The following REDIC1 variants were observed in gnomAD, a reference collection of about 807,000 sequenced individuals.
The protein encoded by REDIC1 is HEI10 Interacting Protein 1.
chr12:39,893,306 T>A, the REDIC1 span, among the ~76,000 whole-genome samples: 1 of 152,206 alleles, frequency 6.6e-6, no homozygotes, highest in African/African-American at 2.4e-5. Flanking sequence ...TATAGCTCTT[T>A]TCTTTTCTTT....
chr12:39,662,473 G>A, the REDIC1 span, among the ~76,000 whole-genome samples: 3 of 151,672 alleles, frequency 2.0e-5, no homozygotes, highest in African/African-American at 7.3e-5. Context: ...ACTGATGTTT[G>A]TTGACTTTCT....
At chr12:39,697,499 C>A in the REDIC1 span, among the ~76,000 whole-genome samples, 1 of 152,152 alleles carries the variant, frequency 6.6e-6, no homozygotes, top group East Asian at 1.9e-4. Flanking sequence ...CTACTCATAT[C>A]TGAAGTAGAA....
the REDIC1 span, among the ~76,000 whole-genome samples, chr12:39,844,401 G>A: frequency 6.6e-6 from 1 of 152,060 alleles, no homozygotes; most frequent in Non-Finnish European, 1.5e-5. Context: ...AAAATGTAAC[G>A]ATAAAGTTCT....
the REDIC1 span, among the ~76,000 whole-genome samples, chr12:39,883,597 T>G: frequency 7.9e-5 from 12 of 152,154 alleles, no homozygotes; most frequent in Admixed American, 3.9e-4. Context: ...TGGCATTTAC[T>G]TCCTGAAAAA....
the REDIC1 span, among the ~76,000 whole-genome samples, chr12:39,638,965 A>T: frequency 1.3e-5 from 2 of 151,998 alleles, no homozygotes; most frequent in Non-Finnish European, 2.9e-5. Context: ...TCTTAATTTT[A>T]CTGAGCTCTA....
At chr12:39,769,403 G>A in the REDIC1 span, among the ~76,000 whole-genome samples, 3 of 152,134 alleles carry the variant, frequency 2.0e-5, 1 homozygote, top group South Asian at 6.2e-4. Context: ...TGAATCTGAA[G>A]AACAGATCTT....
At chr12:39,737,100 T>C in the REDIC1 span, among the ~76,000 whole-genome samples, 1 of 152,220 alleles carries the variant, frequency 6.6e-6, no homozygotes, top group Non-Finnish European at 1.5e-5. Context: ...TACTTTTTGT[T>C]TTTTAATATA....
At chr12:39,846,806 A>G in the REDIC1 span, among the ~76,000 whole-genome samples, 1 of 152,282 alleles carries the variant, frequency 6.6e-6, no homozygotes, top group South Asian at 2.1e-4. Flanking sequence ...AAATAATAGC[A>G]TCTATCTCAG....
At chr12:39,748,847 A>T in the REDIC1 span, among the ~76,000 whole-genome samples, 2 of 152,244 alleles carry the variant, frequency 1.3e-5, no homozygotes, top group Non-Finnish European at 1.5e-5. Flanking sequence ...TGAAGGCAGA[A>T]ATAAAGATGT....
At chr12:39,755,533 A>C in the REDIC1 span, 1 of 152,096 alleles carries the variant, frequency 6.6e-6, no homozygotes, top group Non-Finnish European at 1.5e-5. Flanking sequence ...GTAGAATATA[A>C]ATTTCTACTT....
At chr12:39,657,150 C>T in the REDIC1 span, among the ~76,000 whole-genome samples, 1 of 152,164 alleles carries the variant, frequency 6.6e-6, no homozygotes, top group Non-Finnish European at 1.5e-5. Context: ...GCTACGTGTC[C>T]TTTGCAGATG....
chr12:39,830,342 C>G, the REDIC1 span: 1 of 1,469,944 alleles, frequency 6.8e-7, no homozygotes, highest in East Asian at 2.4e-5. Context: ...AAGCTTGGGG[C>G]CTTGGGACTT....
chr12:39,663,661 C>G, the REDIC1 span, among the ~76,000 whole-genome samples: 1 of 151,996 alleles, frequency 6.6e-6, no homozygotes, highest in African/African-American at 2.4e-5. Context: ...TTATTTCTCT[C>G]TTACTATATA....
At chr12:39,785,024 T>G in the REDIC1 span, among the ~76,000 whole-genome samples, 1 of 152,162 alleles carries the variant, frequency 6.6e-6, no homozygotes, top group African/African-American at 2.4e-5. Flanking sequence ...ATTTGCAGCC[T>G]TATGATGTAG....
the REDIC1 span, among the ~76,000 whole-genome samples, chr12:39,712,412 G>A: frequency 0.036 from 4,372 of 121,908 alleles, 298 homozygotes; most frequent in African/African-American, 0.12. Flanking sequence ...ATATACATAC[G>A]TATATACATA....
chr12:39,811,699 G>T, the REDIC1 span, among the ~76,000 whole-genome samples: 2 of 152,010 alleles, frequency 1.3e-5, no homozygotes, highest in East Asian at 3.9e-4. Flanking sequence ...TGATGAATTG[G>T]CCACTTTATT....
At chr12:39,708,740 T>G in the REDIC1 span, among the ~76,000 whole-genome samples, 1 of 151,854 alleles carries the variant, frequency 6.6e-6, no homozygotes, top group South Asian at 2.1e-4. Context: ...TTTCCTAATC[T>G]TCATGTGCCA....
the REDIC1 span, among the ~76,000 whole-genome samples, chr12:39,664,111 C>A: frequency 1.3e-5 from 2 of 151,288 alleles, no homozygotes; most frequent in African/African-American, 4.9e-5. Flanking sequence ...TTTTAGGGTA[C>A]ATGTGCACAA....
chr12:39,869,270 T>C, the REDIC1 span, among the ~76,000 whole-genome samples: 1 of 152,176 alleles, frequency 6.6e-6, no homozygotes, highest in East Asian at 1.9e-4. Context: ...GAATGGTACT[T>C]CTTATTCTGA....
Sources: allele counts gnomAD v4.1 joint callset (sites outside exome capture counted in the v4.1 genomes callset), GRCh38; gene constraint gnomAD v4.1.1; transcripts MANE v1.5; gene names NCBI Gene and HGNC (gene_info 2026-07-23, HGNC 2026-07-21).